Variants in PBXIP1 observed in about 807,000 individuals in gnomAD.
The protein encoded by PBXIP1 is pre-B-cell leukemia transcription factor-interacting protein 1.
Under a neutral mutation model 73.7 loss-of-function variants are expected in PBXIP1, and 73 were observed. The observed-to-expected ratio is 0.99, with a 90% CI of 0.82 to 1.20. PBXIP1 has a LOEUF of 1.20. Among genes scored for constraint, PBXIP1 ranks in the 50% most tolerant of loss-of-function variants. The probability of loss-of-function intolerance (pLI) is 0.00; values close to 1 mark genes in which losing one functional copy is unlikely to be tolerated. For synonymous variants in PBXIP1, 330 were observed against 366.9 expected (o/e 0.90, Z 1.15); for missense variants, 818 against 911.4 (o/e 0.90, Z 1.32).
Position 154,946,099 on chromosome 1 carries a change from C to T in PBXIP1, c.1575G>A (p.Glu525=). 1 of 1,614,172 alleles carries T rather than the reference C, an allele frequency of 6.2e-7. No homozygotes were observed. Among genetic ancestry groups the T allele is most frequent in the Non-Finnish European group, 8.5e-7 (1 of 1,180,020 alleles). The part of the protein sequence containing the change: ...GRWKEGRPRV[E]ESGSKKEGKR... ...TGCCCTCCTTCTTGCTCCCCGACTCCTCCACCCTTGGCCTGCCCTCCTTCC... is the reference window on the plus strand; with the variant it reads ...TGCCCTCCTTCTTGCTCCCCGACTCTTCCACCCTTGGCCTGCCCTCCTTCC... Residue 525 remains glutamate (E), a synonymous_variant, in exon 10 of 11, where the codon GAG becomes GAA. Coordinates refer to ENST00000368463, the MANE Select transcript of PBXIP1 (RefSeq NM_020524.4).
chr1:154,955,098 G>T, intron 1 of PBXIP1: 1 of 242,488 alleles, frequency 4.1e-6, no homozygotes, highest in Non-Finnish European at 6.6e-6. Context: ...CCAGACACAT[G>T]CACCCATTCC....
intron 5 of PBXIP1, 44 bp from the exon 6 acceptor site, chr1:154,948,410 A>G: frequency 7.4e-7 from 1 of 1,358,188 alleles, no homozygotes; most frequent in Non-Finnish European, 1.0e-6. Flanking sequence ...GACTGGAGAG[A>G]TGGGGAGACA....
At chr1:154,947,773 C>A in intron 7 of PBXIP1, 61 bp from the exon 8 acceptor site, 1 of 1,540,060 alleles carries the variant, frequency 6.5e-7, no homozygotes, top group Non-Finnish European at 8.9e-7. Context: ...TCTCCCCACA[C>A]CTTCCCATTC....
Position 154,946,353 on chromosome 1 carries a change from G to A in PBXIP1, c.1321C>T (p.Gln441Ter). 1.2e-6 allele frequency: 2 copies of A among 1,613,754 alleles called. No homozygotes were observed. Among genetic ancestry groups the A allele is most frequent in the East Asian group, 2.2e-5 (1 of 44,878 alleles). Residue 441 changes from glutamine to a stop codon, truncating the protein, a stop_gained, in exon 10 of 11, where the codon CAG (glutamine) becomes TAG (stop). Coordinates refer to ENST00000368463, the MANE Select transcript of PBXIP1 (RefSeq NM_020524.4). LOFTEE classifies it high-confidence loss of function. ...ELGHRLAQKL[Q>*]GLENWGQDPG... ...TCCTGGCCCCAGTTCTCCAGGCCCT[G>A]CAGTTTCTGGGCCAATCTGTGGCCC...
At position 154,945,789 on chromosome 1, in the gene PBXIP1, C is replaced by A. The variant is rs1449128794; in HGVS notation, c.1885G>T (p.Ala629Ser). ...GGTAGCTCCTTGGTCAGCTGCCCAG[C>A]CCAGGGCAGCCGTGCCAAGTATGTT... The part of the protein sequence containing the change: ...LRTYLARLPW[A>S]GQLTKELPLS... Residue 629 changes from alanine (A) to serine (S), a missense_variant, in exon 10 of 11, where the codon GCT becomes TCT. Ala to Ser is a moderately conservative substitution (Grantham distance 99). Coordinates refer to ENST00000368463, the MANE Select transcript of PBXIP1 (RefSeq NM_020524.4). 1.9e-6 allele frequency: 3 copies of A among 1,614,108 alleles called. No homozygotes were observed. Among genetic ancestry groups the A allele is most frequent in the East Asian group, 2.2e-5 (1 of 44,880 alleles).
rs745426019 is a variant in PBXIP1 at position 154,947,369 on chromosome 1, C to T, written c.870+48G>A. The T allele has an allele frequency of 4.2e-5, 68 of 1,609,790 alleles. No homozygotes were observed. In the South Asian group the frequency reaches 7.4e-4, roughly 17 times the overall value. On this transcript the variant is annotated intron_variant, in intron 9 of 10. Transcript: ENST00000368463. ...TGGGGGAGGATGCTAGGACAGACGC[C>T]TGGCCTAGGTGGGTTACCCTAGCCC... is the stretch of plus-strand genomic sequence containing the variant.
At chr1:154,953,639 A>C (rs756566688) in intron 2 of PBXIP1, 32 bp downstream of exon 2, 22 of 1,432,160 alleles carry the variant, frequency 1.5e-5, no homozygotes, top group Non-Finnish European at 2.2e-5. Flanking sequence ...CCCCAACCCC[A>C]CCCCCATGGT....
intron 5 of PBXIP1, chr1:154,950,407 C>A (rs995028873): frequency 4.6e-5 from 7 of 152,318 alleles, no homozygotes; most frequent in Admixed American, 1.3e-4. Context: ...TGGCTCACTG[C>A]AGTCTTGAAT....
rs1329316753 is a variant in PBXIP1, at chr1:154,947,506, T to A, written c.781A>T (p.Ser261Cys). Reference sequence around the variant, plus strand: ...CCCATGTTTTGCAGGCTGGGGACACTGTCAGGAGGCACTGGGGCCTGCAGC... The same window carrying A: ...CCCATGTTTTGCAGGCTGGGGACACAGTCAGGAGGCACTGGGGCCTGCAGC... The part of the protein sequence containing the change: ...EQLQAPVPPD[S>C]VPSLQNMGLL... The change falls in exon 9 of 11, where the codon AGT becomes TGT. Residue 261 changes from serine (S) to cysteine (C), a missense_variant. Transcript: ENST00000368463. The A allele has an allele frequency of 6.2e-7, 1 of 1,610,986 alleles. No homozygotes were observed. The highest frequency in any genetic ancestry group is 1.3e-5 in the African/African-American group (1 of 74,848).
intron 5 of PBXIP1, chr1:154,950,572 GGGACCAATTC>G (rs1654975466): frequency 6.6e-6 from 1 of 152,650 alleles, no homozygotes; most frequent in Non-Finnish European, 1.5e-5. Context: ...TCACTCAACA[GGGACCAATTC>G]CTACACTCCT....
chr1:154,945,180 G>A, intron 10 of PBXIP1, 63 bp from the exon 11 acceptor site: 3 of 1,235,996 alleles, frequency 2.4e-6, no homozygotes, highest in South Asian at 2.5e-5. Context: ...TCCCCAAGGA[G>A]AGAGGACCCT....
At chr1:154,955,387 AG>A (rs1655145257) in intron 1 of PBXIP1, among the ~76,000 whole-genome samples, 1 of 152,220 alleles carries the variant, frequency 6.6e-6, no homozygotes, top group African/African-American at 2.4e-5. Flanking sequence ...TGGCAACCAC[AG>A]TGATGTCAGA....
intron 5 of PBXIP1, among the ~76,000 whole-genome samples, chr1:154,948,715 C>T (rs1026812217): frequency 1.3e-5 from 2 of 152,184 alleles, no homozygotes; most frequent in South Asian, 4.1e-4. Context: ...CATTCTCCCT[C>T]CCTGGCTCTT....
chr1:154,954,975 TC>T, intron 1 of PBXIP1: 1 of 984,680 alleles, frequency 1.0e-6, no homozygotes. Flanking sequence ...AACCACATTA[TC>T]CCCTTCTGTT....
At chr1:154,946,893 T>C (rs1314909862) in intron 9 of PBXIP1, 90 bp from the exon 10 acceptor site, 3 of 1,321,022 alleles carry the variant, frequency 2.3e-6, no homozygotes, top group Non-Finnish European at 2.0e-6. Flanking sequence ...TCTATTATAG[T>C]GGGCAGGTGG....
In PBXIP1 at chr1:154,945,021, G is replaced by T; in HGVS notation, c.*3C>A. The T allele has an allele frequency of 1.2e-6, 2 of 1,611,686 alleles. No individual in the cohort carries two copies. Among genetic ancestry groups the T allele is most frequent in the South Asian group, 1.1e-5 (1 of 91,030 alleles). ...CCAAGGCCATTCCCTGTGGGGCAGGGTGTCAGCCCCGGTGGTGGTGGTGGT... is the reference window on the plus strand; with the variant it reads ...CCAAGGCCATTCCCTGTGGGGCAGGTTGTCAGCCCCGGTGGTGGTGGTGGT... On this transcript the variant is annotated 3_prime_UTR_variant, in exon 11 of 11. Transcript: ENST00000368463.
rs1042610427 is a variant in PBXIP1 at position 154,944,918 on chromosome 1, T to C, written c.*106A>G. ...ATTTTGCTCTACTGTGTGAAAGATA[T>C]CTGAGGACACCAAACAAGCCAGGAC... On this transcript the variant is annotated 3_prime_UTR_variant, in exon 11 of 11. Transcript: ENST00000368463. 5 of 882,114 alleles carry C rather than the reference T, an allele frequency of 5.7e-6. No homozygotes were observed. The highest frequency in any genetic ancestry group is 1.6e-5 in the African/African-American group (1 of 60,694). The allele number at this position is 882,114 out of a possible 1,614,324, so 54.6% of individuals were successfully genotyped here. A position where few individuals can be genotyped will look rare whatever the true frequency, so the allele number is the denominator to read the frequency against.
In PBXIP1 at chr1:154,945,117, C is replaced by A. The variant is rs1296955379; in HGVS notation, c.2103G>T (p.Arg701Ser). 6.2e-7 allele frequency: 1 copy of A among 1,611,834 alleles called. No individual in the cohort carries two copies. The highest frequency in any genetic ancestry group is 8.5e-7 in the Non-Finnish European group (1 of 1,177,932). ...HFFGDKALKK[R>S]SGKKDKHSQS... is the part of the protein sequence containing the mutation. ...GTGAGTGCTTGTCCTTCTTCCCTGA[C>A]CTGTGGGGAGGAAGAGGCCTTTAGG... The change falls in exon 11 of 11, where the codon AGG (arginine) becomes AGT (serine). Residue 701 changes from arginine to serine, a missense_variant and splice_region_variant. Coordinates refer to ENST00000368463, the MANE Select transcript of PBXIP1 (RefSeq NM_020524.4).
chr1:154,945,469 G>A (rs1654770435), intron 10 of PBXIP1, 103 bp downstream of exon 10: 1 of 1,280,752 alleles, frequency 7.8e-7, no homozygotes, highest in African/African-American at 1.5e-5. Context: ...AGGGAAGCCA[G>A]CTGGGGACCA....
Sources: allele counts gnomAD v4.1 joint callset (sites outside exome capture counted in the v4.1 genomes callset), GRCh38; gene constraint gnomAD v4.1.1; transcripts MANE v1.5; gene names NCBI Gene and HGNC (gene_info 2026-07-23, HGNC 2026-07-21).